The following ZNF644 variants were observed in gnomAD, a reference collection of about 807,000 sequenced individuals.
ZNF644 encodes zinc finger motif enhancer binding protein 2.
Under a neutral mutation model 108.0 loss-of-function variants are expected in ZNF644, and 20 were observed. The observed-to-expected ratio is 0.19, with a 90% CI of 0.13 to 0.27. The LOEUF is 0.27. Among genes scored for constraint, ZNF644 ranks in the 10% least tolerant of loss-of-function variants. ZNF644 has a pLI of 1.00. For missense variants in ZNF644, 1,338 were observed against 1,548.9 expected (o/e 0.86, Z 2.29); for synonymous variants, 542 against 539.1 (o/e 1.01, Z -0.08).
chr1:90,918,009 A>T lies in ZNF644; in HGVS notation c.3791+43T>A, dbSNP rs141701195. 1.0e-4 allele frequency: 157 copies of T among 1,504,264 alleles called. 1 individual carries two copies. The East Asian group carries it at 3.5e-3, about 34-fold the overall frequency. The allele number at this position is 1,504,264 out of a possible 1,614,324, so 93.2% of individuals were successfully genotyped here. ...GAAATAGCTAATATGTTTCAAAGCAAAGTATGAAGAAACTGATCAGATTTG... is the reference window on the plus strand; with the variant it reads ...GAAATAGCTAATATGTTTCAAAGCATAGTATGAAGAAACTGATCAGATTTG... On this transcript the variant is annotated intron_variant, in intron 5 of 5. Transcript: ENST00000337393.
chr1:91,008,427 C>G (rs1233794220), intron 1 of ZNF644, among the ~76,000 whole-genome samples: 1 of 152,140 alleles, frequency 6.6e-6, no homozygotes, highest in African/African-American at 2.4e-5. Flanking sequence ...TTTCTCTCAT[C>G]TACAAACAAA....
intron 1 of ZNF644, among the ~76,000 whole-genome samples, chr1:91,018,790 C>T (rs1378582105): frequency 6.6e-6 from 1 of 152,186 alleles, no homozygotes; most frequent in Non-Finnish European, 1.5e-5. Context: ...TATCCCACCA[C>T]TTCTATTCTC....
chr1:90,980,081 G>GAGAAC (rs1553157216), intron 2 of ZNF644, among the ~76,000 whole-genome samples: 1 of 151,996 alleles, frequency 6.6e-6, no homozygotes, highest in Non-Finnish European at 1.5e-5. Context: ...ATTTGCCTGG[G>GAGAAC]AGAACTCTTT....
chr1:90,985,269 C>A (rs1656982556), intron 1 of ZNF644, among the ~76,000 whole-genome samples: 1 of 152,108 alleles, frequency 6.6e-6, no homozygotes, highest in Non-Finnish European at 1.5e-5. Flanking sequence ...ATGATTAATT[C>A]ATGCTAATTA....
intron 1 of ZNF644, among the ~76,000 whole-genome samples, chr1:91,005,133 G>A (rs1659288606): frequency 6.6e-6 from 1 of 151,970 alleles, no homozygotes; most frequent in South Asian, 2.1e-4. Flanking sequence ...GAAAGTAAAA[G>A]ATAAAAAAAG....
chr1:90,917,901 T>A (rs932803052), intron 5 of ZNF644, 151 bp downstream of exon 5: 5 of 699,820 alleles, frequency 7.1e-6, no homozygotes, highest in Non-Finnish European at 1.3e-5. Context: ...TGAGCTGAAT[T>A]AAGATTTTAA....
At chr1:90,941,379 G>A in intron 2 of ZNF644, 70 bp from the exon 3 acceptor site, 2 of 1,353,118 alleles carry the variant, frequency 1.5e-6, no homozygotes, top group South Asian at 1.3e-5. Context: ...ATGGAGAGTT[G>A]AAAGTACATA....
Position 91,007,225 on chromosome 1 carries a change from G to GT in ZNF644, c.-18+14764dup, listed in dbSNP as rs35761791. 6.3e-3 allele frequency among the ~76,000 whole-genome samples: 354 copies of GT among 55,992 alleles called. 87 individuals carry two copies. The highest frequency in any genetic ancestry group is 0.013 in the African/African-American group (171 of 13,132). 36.7% of individuals were successfully genotyped at this position (55,992 alleles called of 152,430 possible). A position where few individuals can be genotyped will look rare whatever the true frequency, so the allele number is the denominator to read the frequency against. On this transcript the variant is annotated intron_variant, in intron 1 of 5. Transcript: ENST00000337393. Reference sequence around the variant, plus strand: ...AATTTCTTCCATTTTCTCCCATTTTGTTTTTTTTTTTTTTTTTTTTTTTTT... The same window carrying GT: ...AATTTCTTCCATTTTCTCCCATTTTGTTTTTTTTTTTTTTTTTTTTTTTTTT...
At chr1:90,942,865 T>C (rs2100984754) in intron 2 of ZNF644, among the ~76,000 whole-genome samples, 1 of 152,340 alleles carries the variant, frequency 6.6e-6, no homozygotes, top group Middle Eastern at 3.4e-3. Context: ...CTCCAAATAT[T>C]TCCTAAGCAC....
intron 1 of ZNF644, among the ~76,000 whole-genome samples, chr1:91,005,937 T>C (rs1262348012): frequency 6.8e-6 from 1 of 148,104 alleles, no homozygotes; most frequent in Admixed American, 6.7e-5. Flanking sequence ...AGAAAAACAG[T>C]AGAGAAAAAA....
At chr1:90,998,309 C>A (rs1400249799) in intron 1 of ZNF644, among the ~76,000 whole-genome samples, 1 of 152,236 alleles carries the variant, frequency 6.6e-6, no homozygotes, top group East Asian at 1.9e-4. Flanking sequence ...TAGGGGCAGA[C>A]TGACACCTCA....
At chr1:91,005,073 A>G (rs931589520) in intron 1 of ZNF644, among the ~76,000 whole-genome samples, 4 of 152,162 alleles carry the variant, frequency 2.6e-5, no homozygotes, top group African/African-American at 9.6e-5. Flanking sequence ...TAATCCAACT[A>G]TAACTGGCTA....
At chr1:90,934,210 T>C (rs1651071594) in intron 4 of ZNF644, among the ~76,000 whole-genome samples, 1 of 152,156 alleles carries the variant, frequency 6.6e-6, no homozygotes, top group South Asian at 2.1e-4. Context: ...TTAATATAAA[T>C]TGTCAACATT....
At chr1:91,020,572 G>A (rs938448090) in intron 1 of ZNF644, 22 of 152,144 alleles carry the variant, frequency 1.4e-4, no homozygotes, top group African/African-American at 5.1e-4. Context: ...TTATAAAAAC[G>A]AGGTTTTTCT....
At chr1:90,985,140 C>A (rs1412600753) in intron 1 of ZNF644, among the ~76,000 whole-genome samples, 1 of 152,112 alleles carries the variant, frequency 6.6e-6, no homozygotes, top group African/African-American at 2.4e-5. Context: ...AAACCTAAAC[C>A]AGCACATTTT....
intron 4 of ZNF644, among the ~76,000 whole-genome samples, chr1:90,923,415 G>A (rs1649689617): frequency 6.6e-6 from 1 of 151,950 alleles, no homozygotes; most frequent in Non-Finnish European, 1.5e-5. Context: ...AATTGAAAAG[G>A]ACTCCCCTAC....
At chr1:91,015,013 C>T (rs536774349) in intron 1 of ZNF644, among the ~76,000 whole-genome samples, 1 of 152,124 alleles carries the variant, frequency 6.6e-6, no homozygotes, top group African/African-American at 2.4e-5. Context: ...GCTTAATTAA[C>T]GTCATCTGTC....
At chr1:90,981,119 T>C (rs569974897) in intron 2 of ZNF644, among the ~76,000 whole-genome samples, 1 of 152,228 alleles carries the variant, frequency 6.6e-6, no homozygotes, top group African/African-American at 2.4e-5. Flanking sequence ...AAACAAACCC[T>C]AATAAGACCT....
Position 90,940,079 on chromosome 1 carries a change from G to A in ZNF644, c.1275C>T (p.Leu425=), listed in dbSNP as rs1322111705. The A allele has an allele frequency of 6.2e-7, 1 of 1,613,974 alleles. No homozygotes were observed. The highest frequency in any genetic ancestry group is 8.5e-7 in the Non-Finnish European group (1 of 1,179,972). Residue 425 remains leucine, a synonymous_variant, in exon 3 of 6, where the codon CTC becomes CTT. Transcript: ENST00000337393. ...CTAAATGATACATCATATGCCTGTGGAGGTGCTTCTTCTCCCTAAAATTCA... is the reference window on the plus strand; with the variant it reads ...CTAAATGATACATCATATGCCTGTGAAGGTGCTTCTTCTCCCTAAAATTCA... ...CNVNFREKKH[L]HRHMMYHLDG...
Sources: gnomAD v4.1 joint callset for allele counts (sites outside exome capture counted in the v4.1 genomes callset) on GRCh38, gnomAD v4.1.1 for gene constraint, MANE v1.5 for transcripts, NCBI Gene and HGNC (gene_info 2026-07-23, HGNC 2026-07-21) for gene names.